The following BCLAF3 variants were observed in gnomAD, a reference collection of about 807,000 sequenced individuals.
BCLAF3 encodes transient octamer binding factor 1.
A neutral mutation model predicts 51.2 loss-of-function variants in BCLAF3; 24 were observed. That is an observed-to-expected ratio of 0.47 (90% confidence interval 0.34 to 0.66). The LOEUF is 0.66. Ranked by LOEUF, BCLAF3 falls within the 30% of genes least tolerant of loss-of-function variation. The pLI is 0.01. For synonymous variants in BCLAF3, 152 were observed against 176.6 expected, an observed-to-expected ratio of 0.86 and a Z score of 1.10; for missense variants, 465 against 525.1, an observed-to-expected ratio of 0.89 and a Z score of 1.12.
chrX:19,933,779 T>G (rs2070654125), intron 10 of BCLAF3, among the ~76,000 whole-genome samples: 2 of 111,443 alleles, frequency 1.8e-5, no homozygotes, highest in African/African-American at 6.5e-5. Context: ...TTTTTTTTTC[T>G]TCTTTTGGGA....
At chrX:19,948,515 C>G (rs1320538863) in intron 8 of BCLAF3, among the ~76,000 whole-genome samples, 2 of 110,594 alleles carry the variant, frequency 1.8e-5, no homozygotes, top group Non-Finnish European at 3.8e-5. Context: ...CCTGTACTCC[C>G]AGCACTTTGG....
At chrX:19,928,537 C>T (rs2070436079) in intron 11 of BCLAF3, among the ~76,000 whole-genome samples, 1 of 110,649 alleles carries the variant, frequency 9.0e-6, no homozygotes, top group South Asian at 3.9e-4. Context: ...GAGCTGAGAT[C>T]GTGCCATTGT....
chrX:19,984,588 A>C (rs1039033988), intron 1 of BCLAF3, among the ~76,000 whole-genome samples: 2 of 112,030 alleles, frequency 1.8e-5, no homozygotes, highest in Non-Finnish European at 3.8e-5. Flanking sequence ...ATGAAACTAG[A>C]ATTTATTAAC....
intron 1 of BCLAF3, 99 bp from the exon 2 acceptor site, chrX:19,970,397 C>T: frequency 1.6e-6 from 1 of 636,251 alleles, no homozygotes; most frequent in Non-Finnish European, 2.5e-6. Flanking sequence ...CTTTGTGCCT[C>T]AGCTTCCTCA....
chrX:19,939,746 T>C lies in BCLAF3; in HGVS notation c.1746-2214A>G, dbSNP rs141058282. On this transcript the variant is annotated intron_variant, in intron 8 of 11. Transcript: ENST00000379682. The stretch of plus-strand genomic sequence containing the variant: ...TTCAGCCTTAAAAGAGAATGAATTT[T>C]TTAAAAAAGGAATGAAATTCTGACA... Among the ~76,000 whole-genome samples, 1,015 of 112,441 alleles carry C rather than the reference T, an allele frequency of 9.0e-3. 8 individuals are homozygous for C. The highest frequency in any genetic ancestry group is 0.016 in the Non-Finnish European group (845 of 53,240).
chrX:19,991,042 G>T lies in BCLAF3; in HGVS notation c.-169C>A, dbSNP rs1056130569. ...CAGCGACACCCCAGCCACCTCTGCC[G>T]GGCCGCGGGACCCGGAACCACTTCC... On this transcript the variant is annotated 5_prime_UTR_variant, in exon 1 of 12. Transcript: ENST00000379682. Among the ~76,000 whole-genome samples, 21 of 107,674 alleles carry T rather than the reference G, an allele frequency of 2.0e-4. No homozygotes were observed. Among genetic ancestry groups the T allele is most frequent in the African/African-American group, 6.7e-4 (20 of 29,740 alleles). The allele number at this position is 107,674 out of a possible 115,157, so 93.5% of individuals were successfully genotyped here.
At chrX:19,940,411 A>G (rs1397879194) in intron 8 of BCLAF3, among the ~76,000 whole-genome samples, 1 of 110,366 alleles carries the variant, frequency 9.1e-6, no homozygotes, top group Non-Finnish European at 1.9e-5. Context: ...ATATCTCCCA[A>G]TGCTATCCCT....
intron 7 of BCLAF3, among the ~76,000 whole-genome samples, chrX:19,952,713 T>G (rs1197512965): frequency 1.8e-5 from 2 of 112,067 alleles, no homozygotes; most frequent in African/African-American, 6.5e-5. Flanking sequence ...ATTTTGGGGA[T>G]GAATATCAAA....
At chrX:19,955,684 G>T in intron 4 of BCLAF3, 118 bp from the exon 5 acceptor site, 1 of 547,930 alleles carries the variant, frequency 1.8e-6, no homozygotes, top group Non-Finnish European at 2.7e-6. Flanking sequence ...TATAATTAAG[G>T]CACTAAATTC....
At chrX:19,933,578 G>T (rs2070643599) in intron 10 of BCLAF3, among the ~76,000 whole-genome samples, 1 of 111,062 alleles carries the variant, frequency 9.0e-6, no homozygotes, top group South Asian at 3.8e-4. Flanking sequence ...TTTTCTTAAG[G>T]CTACAGAAAA....
At chrX:19,989,696 T>C (rs2072892164) in intron 1 of BCLAF3, among the ~76,000 whole-genome samples, 1 of 111,496 alleles carries the variant, frequency 9.0e-6, no homozygotes, top group African/African-American at 3.3e-5. Flanking sequence ...TGGAGGTGTA[T>C]AACCACATTC....
intron 8 of BCLAF3, among the ~76,000 whole-genome samples, chrX:19,945,923 G>A (rs1267022743): frequency 9.2e-6 from 1 of 108,147 alleles, no homozygotes; most frequent in Non-Finnish European, 1.9e-5. Flanking sequence ...AGCAATCAGC[G>A]AGATTCCGTG....
intron 1 of BCLAF3, among the ~76,000 whole-genome samples, chrX:19,971,592 T>C (rs1249290654): frequency 3.6e-5 from 4 of 112,445 alleles, no homozygotes; most frequent in Non-Finnish European, 7.5e-5. Context: ...CTTCGGAAAC[T>C]GAATTTTAAA....
chrX:19,977,259 A>C (rs1199753341), intron 1 of BCLAF3, among the ~76,000 whole-genome samples: 1 of 112,308 alleles, frequency 8.9e-6, no homozygotes, highest in African/African-American at 3.2e-5. Context: ...GAAATGATTA[A>C]GCTTAGTGAG....
intron 11 of BCLAF3, among the ~76,000 whole-genome samples, chrX:19,920,819 T>TAAA (rs749960197): frequency 1.3e-5 from 1 of 75,372 alleles, no homozygotes; most frequent in African/African-American, 5.1e-5. Context: ...AGACCCTGTC[T>TAAA]AAAAAAAAAA....
At chrX:19,978,163 G>A (rs1027997523) in intron 1 of BCLAF3, among the ~76,000 whole-genome samples, 1 of 112,305 alleles carries the variant, frequency 8.9e-6, no homozygotes, top group Non-Finnish European at 1.9e-5. Context: ...CATAGATCAA[G>A]GAGTAATTTT....
intron 4 of BCLAF3, among the ~76,000 whole-genome samples, chrX:19,961,393 T>TA (rs2071854145): frequency 8.9e-6 from 1 of 112,170 alleles, no homozygotes; most frequent in African/African-American, 3.2e-5. Context: ...AACTAGAATC[T>TA]AAAAAAATCA....
rs143234295 is a variant in BCLAF3, at chrX:19,966,456, G to T, written c.235C>A (p.Pro79Thr). The change falls in exon 3 of 12, where the codon CCT (proline) becomes ACT (threonine). Residue 79 changes from proline (P) to threonine (T), a missense_variant. Physicochemically the swap from Pro to Thr is conservative, Grantham distance 38. Coordinates refer to ENST00000379682, the MANE Select transcript of BCLAF3 (RefSeq NM_001367774.2). ...AAAGAGTTTCTTATGTTAGGGGAAGGTGATCTATGTTCATAAGACTGGTAA... is the reference window on the plus strand; with the variant it reads ...AAAGAGTTTCTTATGTTAGGGGAAGTTGATCTATGTTCATAAGACTGGTAA... The part of the protein sequence containing the change: ...IYYQSYEHRS[P>T]SPNIRNSLEN... The T allele has an allele frequency of 1.6e-3, 1,984 of 1,209,374 alleles. 32 individuals carry two copies. The African/African-American group carries it at 0.03, about 18-fold the overall frequency.
At chrX:19,970,842 T>G (rs182922581) in intron 1 of BCLAF3, among the ~76,000 whole-genome samples, 164 of 111,618 alleles carry the variant, frequency 1.5e-3, no homozygotes, top group African/African-American at 5.0e-3. Context: ...CATTGTAGTT[T>G]AATGACCCCT....
Sources: allele counts gnomAD v4.1 joint callset (sites outside exome capture counted in the v4.1 genomes callset), GRCh38; gene constraint gnomAD v4.1.1; transcripts MANE v1.5; gene names NCBI Gene and HGNC (gene_info 2026-07-23, HGNC 2026-07-21).